Variants in NBAS observed in about 807,000 individuals in gnomAD.
The protein encoded by NBAS is NBAS subunit of NRZ tethering complex.
NBAS carries 219 observed loss-of-function variants against 302.5 expected under a neutral mutation model. The ratio of observed to expected loss-of-function variants is 0.72; its 90% CI spans 0.65 to 0.81. NBAS has a LOEUF of 0.81. Among genes scored for constraint, NBAS ranks in the 30% least tolerant of loss-of-function variants. The pLI, the probability that NBAS is intolerant of heterozygous loss-of-function variation, is 0.00. For synonymous variants in NBAS, 1,118 were observed against 1,021.6 expected, an observed-to-expected ratio of 1.09 and a Z score of -1.80; for missense variants, 2,932 against 2,841.6, an observed-to-expected ratio of 1.03 and a Z score of -0.72.
chr2:14,979,625 T>A, the NBAS span, among the ~76,000 whole-genome samples: 1 of 152,312 alleles, frequency 6.6e-6, no homozygotes, highest in South Asian at 2.1e-4. Flanking sequence ...CTTTTTCTAC[T>A]ACTAGTCTAC....
At chr2:15,287,037 C>T (rs1373572650) in intron 42 of NBAS, 36 bp downstream of exon 42, 1 of 1,496,146 alleles carries the variant, frequency 6.7e-7, no homozygotes, top group Non-Finnish European at 9.3e-7. Context: ...TAAAGAAAGA[C>T]ATGGAAACAA....
chr2:14,868,184 A>C, the NBAS span, among the ~76,000 whole-genome samples: 29,175 of 152,152 alleles, frequency 0.19, 4,195 homozygotes, highest in African/African-American at 0.4. Context: ...ACAAAACTGG[A>C]AACTAAATCC....
intron 38 of NBAS, among the ~76,000 whole-genome samples, chr2:15,321,775 T>C (rs1156479650): frequency 6.6e-6 from 1 of 152,192 alleles, no homozygotes; most frequent in Non-Finnish European, 1.5e-5. Context: ...ACAGGAACAC[T>C]TTTACACTGT....
chr2:15,283,772 A>G (rs1339132220), intron 42 of NBAS, among the ~76,000 whole-genome samples: 3 of 152,202 alleles, frequency 2.0e-5, no homozygotes, highest in African/African-American at 7.2e-5. Context: ...GTAACCCAGA[A>G]AACAGCGACT....
chr2:15,030,121 T>C, the NBAS span, among the ~76,000 whole-genome samples: 6,397 of 152,218 alleles, frequency 0.042, 367 homozygotes, highest in African/African-American at 0.12. Flanking sequence ...CTTAATTAAT[T>C]TAAGCAGCTG....
At chr2:15,112,759 C>T in the NBAS span, among the ~76,000 whole-genome samples, 5 of 2,126 alleles carry the variant, frequency 2.4e-3, no homozygotes, top group South Asian at 0.06. Context: ...AAAATATAAA[C>T]CGAATTTCAA....
intron 32 of NBAS, among the ~76,000 whole-genome samples, chr2:15,357,831 C>A (rs1346723395): frequency 6.6e-6 from 1 of 152,220 alleles, no homozygotes; most frequent in South Asian, 2.1e-4. Flanking sequence ...AGCATTTTTT[C>A]TTTTGTCTTC....
intron 48 of NBAS, among the ~76,000 whole-genome samples, chr2:15,214,976 A>T (rs1188728914): frequency 6.6e-6 from 1 of 152,216 alleles, no homozygotes; most frequent in Non-Finnish European, 1.5e-5. Flanking sequence ...TTACATAAAA[A>T]TGGGAAAAAA....
intron 9 of NBAS, among the ~76,000 whole-genome samples, chr2:15,527,120 T>G (rs1399667930): frequency 7.2e-6 from 1 of 138,956 alleles, no homozygotes; most frequent in African/African-American, 2.6e-5. Flanking sequence ...AACACAGAAA[T>G]GTGGGGTATG....
At chr2:14,934,154 CA>C in the NBAS span, among the ~76,000 whole-genome samples, 1 of 152,126 alleles carries the variant, frequency 6.6e-6, no homozygotes, top group African/African-American at 2.4e-5. Context: ...TTTATGTTAT[CA>C]GGGGTATATG....
intron 51 of NBAS, among the ~76,000 whole-genome samples, chr2:15,178,319 CAA>C (rs1664652170): frequency 6.6e-6 from 1 of 152,112 alleles, no homozygotes; most frequent in Non-Finnish European, 1.5e-5. Context: ...GATCTCCACA[CAA>C]AAGGGCTTCA....
At chr2:15,527,583 T>C (rs546765967) in intron 9 of NBAS, among the ~76,000 whole-genome samples, 2 of 152,264 alleles carry the variant, frequency 1.3e-5, no homozygotes, top group Admixed American at 1.3e-4. Flanking sequence ...GTGGAGCCTC[T>C]TCTATCAGGG....
chr2:15,186,149 T>C lies in NBAS; in HGVS notation c.6711+593A>G, dbSNP rs13430510. Among the ~76,000 whole-genome samples, 1,102 of 150,588 alleles carry C rather than the reference T, an allele frequency of 7.3e-3. 14 individuals carry two copies. Among genetic ancestry groups the C allele is most frequent in the African/African-American group, 0.026 (1,056 of 40,858 alleles). ...GTGTGTATATATATATATACACTTATGTATGTGTGTCTGTGTGTGTGTATA... is the reference window on the plus strand; with the variant it reads ...GTGTGTATATATATATATACACTTACGTATGTGTGTCTGTGTGTGTGTATA... On this transcript the variant is annotated intron_variant, in intron 50 of 51. Transcript: ENST00000281513.
the NBAS span, among the ~76,000 whole-genome samples, chr2:14,828,175 T>G: frequency 6.6e-6 from 1 of 152,090 alleles, no homozygotes; most frequent in Non-Finnish European, 1.5e-5. Flanking sequence ...TATCTTACCT[T>G]CTAGAAAAAA....
At chr2:15,018,351 TC>T in the NBAS span, among the ~76,000 whole-genome samples, 1 of 152,034 alleles carries the variant, frequency 6.6e-6, no homozygotes, top group Non-Finnish European at 1.5e-5. Flanking sequence ...CTGCTAATTA[TC>T]CTGATCACTG....
intron 44 of NBAS, among the ~76,000 whole-genome samples, chr2:15,270,177 T>G (rs1404086852): frequency 6.6e-6 from 1 of 152,150 alleles, no homozygotes; most frequent in Non-Finnish European, 1.5e-5. Flanking sequence ...AGTTTAAAAT[T>G]TTGTCTTTAA....
chr2:14,986,929 T>A, the NBAS span, among the ~76,000 whole-genome samples: 1 of 152,090 alleles, frequency 6.6e-6, no homozygotes, highest in Admixed American at 6.5e-5. Flanking sequence ...TTTTTATTTT[T>A]TTAATTATAA....
At chr2:15,030,294 T>C in the NBAS span, among the ~76,000 whole-genome samples, 6 of 152,134 alleles carry the variant, frequency 3.9e-5, no homozygotes, top group Admixed American at 2.0e-4. Flanking sequence ...CATGTGATAG[T>C]CAGAGGAGAG....
the NBAS span, among the ~76,000 whole-genome samples, chr2:14,822,114 G>A: frequency 6.6e-6 from 1 of 152,134 alleles, no homozygotes; most frequent in Admixed American, 6.5e-5. Flanking sequence ...TAAGCATGTT[G>A]AAATCTTGAA....
Sources: allele counts gnomAD v4.1 joint callset (sites outside exome capture counted in the v4.1 genomes callset), GRCh38; gene constraint gnomAD v4.1.1; transcripts MANE v1.5; gene names NCBI Gene and HGNC (gene_info 2026-07-23, HGNC 2026-07-21).